The following N4BP2 variants were observed in gnomAD, a reference collection of about 807,000 sequenced individuals.
The protein encoded by N4BP2 is NEDD4-binding protein 2.
In N4BP2, 91 loss-of-function variants were observed where a neutral mutation model predicts 152.8. That is an observed-to-expected ratio of 0.60 (90% CI 0.50 to 0.71). The LOEUF (loss-of-function observed/expected upper bound fraction) is 0.71, where lower values mean the gene tolerates loss of function less well. Among genes scored for constraint, N4BP2 ranks in the 30% least tolerant of loss-of-function variants. N4BP2 has a pLI of 0.00. For missense variants in N4BP2, 1,923 were observed against 2,059.1 expected (o/e 0.93, Z 1.28); for synonymous variants, 646 against 705.3 (o/e 0.92, Z 1.33).
intron 2 of N4BP2, among the ~76,000 whole-genome samples, chr4:40,075,897 G>T (rs1712681580): frequency 6.6e-6 from 1 of 152,076 alleles, no homozygotes; most frequent in South Asian, 2.1e-4. Context: ...TTTGATTACT[G>T]CCTACTGCAG....
chr4:40,103,906 C>G (rs1158766045), intron 4 of N4BP2, among the ~76,000 whole-genome samples: 1 of 152,082 alleles, frequency 6.6e-6, no homozygotes, highest in African/African-American at 2.4e-5. Flanking sequence ...CCTCTCTATC[C>G]CTGCTTAACC....
chr4:40,102,442 C>G lies in N4BP2; in HGVS notation c.597C>G (p.Asn199Lys), dbSNP rs148202030. ...TTTCTACACAAAATATGAATTTGAA[C>G]GGTGAAAATTTAGAGAATTCTGGTT... ...PIFSTQNMNLNGENLENSGST... is the reference protein window; with the variant it reads ...PIFSTQNMNLKGENLENSGST... The change falls in exon 4 of 18, where the codon AAC (asparagine) becomes AAG (lysine). Residue 199 changes from asparagine to lysine, a missense_variant. Asn to Lys is a moderately conservative substitution (Grantham distance 94). Transcript: ENST00000261435. The G allele has an allele frequency of 1.2e-6, 2 of 1,612,708 alleles. No homozygotes were observed. The highest frequency in any genetic ancestry group is 2.2e-5 in the South Asian group (2 of 90,894).
chr4:40,086,070 C>T (rs539660705), intron 2 of N4BP2, among the ~76,000 whole-genome samples: 33 of 149,790 alleles, frequency 2.2e-4, no homozygotes, highest in Non-Finnish European at 3.7e-4. Flanking sequence ...TGGATTCGAG[C>T]GATCCTCCTG....
the N4BP2 span, among the ~76,000 whole-genome samples, chr4:40,183,700 A>G: frequency 1.3e-5 from 2 of 152,242 alleles, no homozygotes; most frequent in Non-Finnish European, 2.9e-5. Context: ...ATTTGTTACT[A>G]TATCATTAGA....
At position 40,056,957 on chromosome 4, in the gene N4BP2, G is replaced by A. The variant is rs1470290715; in HGVS notation, c.-285G>A. 5 of 152,230 alleles carry A rather than the reference G, an allele frequency of 3.3e-5. No homozygotes were observed. Among genetic ancestry groups the A allele is most frequent in the Non-Finnish European group, 7.4e-5 (5 of 68,008 alleles). The allele number at this position is 152,230 out of a possible 1,614,324, so 9.4% of individuals were successfully genotyped here. A position where few individuals can be genotyped will look rare whatever the true frequency, so the allele number is the denominator to read the frequency against. ...AGTGGCGCCGGCGGGAAAGGGCTGC[G>A]GACCTGCGGCGCCGCGTTGTGCGTT... On this transcript the variant is annotated 5_prime_UTR_variant, in exon 1 of 18. Transcript: ENST00000261435.
rs556305650 is a variant in N4BP2 at position 40,147,777 on chromosome 4, C to T, written c.5143+2977C>T. 1.1e-4 allele frequency among the ~76,000 whole-genome samples: 16 copies of T among 149,932 alleles called. No individual in the cohort carries two copies. The South Asian group carries it at 2.3e-3, about 22-fold the overall frequency. ...GGGGCTTCTCACTTCTCAGATGGGG[C>T]GGCTGCTGGGCGGAGGGGCTCCTCA... On this transcript the variant is annotated intron_variant, in intron 16 of 17. Coordinates refer to ENST00000261435, the MANE Select transcript of N4BP2 (RefSeq NM_018177.6).
In N4BP2 at chr4:40,097,529, T is replaced by C. The variant is rs139623682; in HGVS notation, c.189T>C (p.Pro63=). The change falls in exon 3 of 18, where the codon CCT becomes CCC. Residue 63 remains proline, a synonymous_variant. Coordinates refer to ENST00000261435, the MANE Select transcript of N4BP2 (RefSeq NM_018177.6). ...CAGAGATATTTTCTGATCTGGATCC[T>C]GATGTAGTGTATTTGATGCTTTCTG... ...SISEIFSDLD[P]DVVYLMLSEC... 1 of 1,613,546 alleles carries C rather than the reference T, an allele frequency of 6.2e-7. No individual in the cohort carries two copies. The highest frequency in any genetic ancestry group is 1.3e-5 in the African/African-American group (1 of 74,928).
intron 2 of N4BP2, among the ~76,000 whole-genome samples, chr4:40,088,430 T>C (rs900332803): frequency 2.0e-5 from 3 of 152,162 alleles, no homozygotes; most frequent in African/African-American, 7.2e-5. Flanking sequence ...TTCTTTGAAG[T>C]CTTGCCATCA....
At chr4:40,170,893 G>A in the N4BP2 span, among the ~76,000 whole-genome samples, 3 of 152,212 alleles carry the variant, frequency 2.0e-5, no homozygotes, top group East Asian at 3.9e-4. Flanking sequence ...TTCTATTTTG[G>A]TTCCTCTTTG....
chr4:40,153,105 C>G (rs931102588), intron 17 of N4BP2, among the ~76,000 whole-genome samples: 5 of 152,158 alleles, frequency 3.3e-5, no homozygotes. Flanking sequence ...CAGATTCATG[C>G]TTAAATTATG....
chr4:40,170,167 A>T, the N4BP2 span, among the ~76,000 whole-genome samples: 3 of 152,118 alleles, frequency 2.0e-5, no homozygotes, highest in South Asian at 6.2e-4. Context: ...TGGAAATAAA[A>T]ACATAAATTT....
intron 1 of N4BP2, among the ~76,000 whole-genome samples, chr4:40,072,273 G>T (rs1712273725): frequency 7.3e-6 from 1 of 136,672 alleles, no homozygotes; most frequent in South Asian, 2.4e-4. Flanking sequence ...TTGATATGGA[G>T]TCTCACTTTG....
At position 40,102,988 on chromosome 4, in the gene N4BP2, T is replaced by C; in HGVS notation, c.1143T>C (p.Ala381=). Residue 381 remains alanine (A), a synonymous_variant, in exon 4 of 18, where the codon GCT becomes GCC. Transcript: ENST00000261435. ...TCCAAGGAAACCATGGCTTTGTAGCTCCTGTTGTAACCACAGCTGCACACT... is the reference window on the plus strand; with the variant it reads ...TCCAAGGAAACCATGGCTTTGTAGCCCCTGTTGTAACCACAGCTGCACACT... ...DLFQGNHGFV[A]PVVTTAAHWR... 6.2e-7 allele frequency: 1 copy of C among 1,614,178 alleles called. No individual in the cohort carries two copies. The highest frequency in any genetic ancestry group is 1.1e-5 in the South Asian group (1 of 91,076).
chr4:40,189,438 C>T, the N4BP2 span, among the ~76,000 whole-genome samples: 1 of 152,168 alleles, frequency 6.6e-6, no homozygotes, highest in African/African-American at 2.4e-5. The surrounding 1 kb of genome is among the most constrained non-coding windows in gnomAD (Gnocchi z 4.3). Context: ...GAGAGATGAG[C>T]ACCAACTTGG....
At chr4:40,168,337 CACTT>C in the N4BP2 span, among the ~76,000 whole-genome samples, 1 of 151,976 alleles carries the variant, frequency 6.6e-6, no homozygotes, top group South Asian at 2.1e-4. Context: ...ACAAGAAACA[CACTT>C]AGAGTGATAA....
rs559854216 is a variant in N4BP2 at position 40,101,828 on chromosome 4, T to G, written c.230-247T>G. On this transcript the variant is annotated intron_variant, in intron 3 of 17. Coordinates refer to ENST00000261435, the MANE Select transcript of N4BP2 (RefSeq NM_018177.6). ...TAATATTTATTTGATGATAGTTTAT[T>G]AGCTTGGTTTATTACTGTTTTCCTG... 5.9e-4 allele frequency among the ~76,000 whole-genome samples: 90 copies of G among 152,308 alleles called. No individual in the cohort carries two copies. In the South Asian group the frequency reaches 0.018, roughly 30 times the overall value.
intron 6 of N4BP2, among the ~76,000 whole-genome samples, chr4:40,112,750 C>T (rs1717007748): frequency 6.6e-6 from 1 of 151,870 alleles, no homozygotes; most frequent in Admixed American, 6.6e-5. Flanking sequence ...GTTGCCCACG[C>T]TGGAGGGCAG....
At chr4:40,122,387 T>C in intron 9 of N4BP2, 78 bp downstream of exon 9, 2 of 1,036,676 alleles carry the variant, frequency 1.9e-6, no homozygotes, top group Non-Finnish European at 2.7e-6. Flanking sequence ...ATTTTTTTTT[T>C]TTCTGAGATG....
intron 3 of N4BP2, among the ~76,000 whole-genome samples, chr4:40,101,450 A>G (rs377008109): frequency 1.7e-3 from 258 of 152,302 alleles, no homozygotes; most frequent in African/African-American, 5.8e-3. Context: ...ATGAGCAACC[A>G]CGCCAAAAAG....
Sources: gnomAD v4.1 joint callset for allele counts (sites outside exome capture counted in the v4.1 genomes callset) on GRCh38, gnomAD v4.1.1 for gene constraint, Gnocchi (gnomAD v3.1) non-coding constraint, MANE v1.5 for transcripts, NCBI Gene and HGNC (gene_info 2026-07-23, HGNC 2026-07-21) for gene names.